Variants in PCDH15 observed in about 807,000 individuals in gnomAD.
PCDH15 encodes protocadherin-15.
Under a neutral mutation model 178.5 loss-of-function variants are expected in PCDH15, and 129 were observed. That is an observed-to-expected ratio of 0.72 (90% CI 0.63 to 0.84). The LOEUF (loss-of-function observed/expected upper bound fraction) is 0.84. Ranked by LOEUF, PCDH15 falls within the 40% of genes least tolerant of loss-of-function variation. The pLI is 0.00. For missense variants in PCDH15, 2,230 were observed against 2,099.9 expected, an observed-to-expected ratio of 1.06 and a Z score of -1.21; for synonymous variants, 800 against 732.0, an observed-to-expected ratio of 1.09 and a Z score of -1.50.
Position 55,158,888 on chromosome 10 carries a change from GA to G in PCDH15, c.-80+7687del, listed in dbSNP as rs1341077380. The stretch of plus-strand genomic sequence containing the variant: ...GAAAGGGAGAGAGGGAGGGAGAAGA[GA>G]GAGAGAGAGAAAAAACAAGAGCTCA... On this transcript the variant is annotated intron_variant, in intron 2 of 5. Coordinates refer to the PCDH15 transcript ENST00000458638. 5.3e-5 allele frequency among the ~76,000 whole-genome samples: 8 copies of G among 150,674 alleles called. No individual in the cohort carries two copies. In the Admixed American group the frequency reaches 5.3e-4, roughly 10 times the overall value.
intron 23 of PCDH15, among the ~76,000 whole-genome samples, chr10:53,945,964 T>C (rs1373857148): frequency 6.6e-6 from 1 of 150,924 alleles, no homozygotes; most frequent in African/African-American, 2.4e-5. Flanking sequence ...GCAATAATCA[T>C]GGGAGTGCAG....
chr10:54,331,678 A>T (rs959183819), intron 6 of PCDH15, among the ~76,000 whole-genome samples: 2 of 151,976 alleles, frequency 1.3e-5, no homozygotes, highest in Non-Finnish European at 2.9e-5. Context: ...CATTTTAGTG[A>T]CTCAATAATA....
At position 53,995,780 on chromosome 10, in the gene PCDH15, T is replaced by A; in HGVS notation, c.2752-15A>T. 1 of 1,610,792 alleles carries A rather than the reference T, an allele frequency of 6.2e-7. No homozygotes were observed. The highest frequency in any genetic ancestry group is 8.5e-7 in the Non-Finnish European group (1 of 1,177,310). On this transcript the variant is annotated splice_polypyrimidine_tract_variant and intron_variant, in intron 20 of 37. Transcript: ENST00000644397. ...TCATTCATATCCTGTAAAACACAAT[T>A]AGGAGTTTAGTACTTCAGTTGAAAC...
At chr10:55,159,308 C>G (rs184047058) in intron 2 of PCDH15, among the ~76,000 whole-genome samples, 1 of 147,838 alleles carries the variant, frequency 6.8e-6, no homozygotes, top group Non-Finnish European at 1.5e-5. Flanking sequence ...ATATATATAT[C>G]TCTTCAAATT....
At chr10:55,101,309 G>A (rs1842570520) in intron 2 of PCDH15, among the ~76,000 whole-genome samples, 1 of 151,882 alleles carries the variant, frequency 6.6e-6, no homozygotes, top group African/African-American at 2.4e-5. Flanking sequence ...TTGAACTCAG[G>A]AGGTGGAGTT....
chr10:54,395,429 T>TACGC (rs1951079773), intron 3 of PCDH15, among the ~76,000 whole-genome samples: 1 of 144,930 alleles, frequency 6.9e-6, no homozygotes, highest in African/African-American at 2.8e-5. Flanking sequence ...GTGCATGTAT[T>TACGC]ACACACACAC....
intron 2 of PCDH15, among the ~76,000 whole-genome samples, chr10:54,546,948 C>A (rs1173777137): frequency 1.3e-5 from 2 of 152,128 alleles, no homozygotes; most frequent in Non-Finnish European, 2.9e-5. Flanking sequence ...GGCAACTGAG[C>A]TAGAGTCTTC....
chr10:54,249,425 A>C (rs1452422843), intron 8 of PCDH15, among the ~76,000 whole-genome samples: 1 of 152,184 alleles, frequency 6.6e-6, no homozygotes, highest in Non-Finnish European at 1.5e-5. Flanking sequence ...AGCATAAAGT[A>C]TAATTTTAAA....
chr10:54,021,093 C>T (rs2092906918), intron 19 of PCDH15, among the ~76,000 whole-genome samples: 5 of 151,824 alleles, frequency 3.3e-5, no homozygotes, highest in Admixed American at 2.0e-4. Flanking sequence ...AAACAAGACA[C>T]AAATACTAAA....
intron 28 of PCDH15, among the ~76,000 whole-genome samples, chr10:53,842,867 T>TAACA (rs1326207030): frequency 1.3e-5 from 2 of 152,210 alleles, no homozygotes; most frequent in African/African-American, 4.8e-5. Context: ...TACTTTGGTC[T>TAACA]AACAATTTAT....
At chr10:54,497,344 G>C (rs1264422379) in intron 3 of PCDH15, among the ~76,000 whole-genome samples, 1 of 151,708 alleles carries the variant, frequency 6.6e-6, no homozygotes, top group East Asian at 1.9e-4. Context: ...AGCCCCCACA[G>C]CTGAGAAAGA....
chr10:54,267,871 CA>C (rs553776165), intron 8 of PCDH15, among the ~76,000 whole-genome samples: 80 of 151,956 alleles, frequency 5.3e-4, no homozygotes, highest in African/African-American at 1.9e-3. Context: ...TCTACAAATT[CA>C]ATGCAGTTCC....
chr10:54,023,339 C>A, intron 18 of PCDH15, 142 bp from the exon 19 acceptor site: 1 of 699,504 alleles, frequency 1.4e-6, no homozygotes, highest in Non-Finnish European at 2.4e-6. Context: ...AATGACAATA[C>A]AATGCAAAAT....
chr10:54,752,141 T>C (rs1425855288), intron 1 of PCDH15, among the ~76,000 whole-genome samples: 2 of 152,164 alleles, frequency 1.3e-5, no homozygotes, highest in East Asian at 3.8e-4. Flanking sequence ...CTAAACATTG[T>C]TGCAGAATTT....
At chr10:55,583,303 T>A (rs1360662062) in intron 2 of PCDH15, among the ~76,000 whole-genome samples, 2 of 152,230 alleles carry the variant, frequency 1.3e-5, no homozygotes, top group Non-Finnish European at 2.9e-5. Flanking sequence ...ATTATGCAAG[T>A]GTAAAGTGTT....
intron 10 of PCDH15, among the ~76,000 whole-genome samples, chr10:54,199,012 A>G (rs1189672041): frequency 1.3e-5 from 2 of 152,192 alleles, no homozygotes; most frequent in Non-Finnish European, 2.9e-5. Context: ...AAAAATATGT[A>G]TTATTTGCAT....
chr10:55,131,262 C>A (rs1387162036), intron 2 of PCDH15, among the ~76,000 whole-genome samples: 2 of 152,162 alleles, frequency 1.3e-5, no homozygotes, highest in Non-Finnish European at 2.9e-5. Flanking sequence ...TCCATAGTTG[C>A]AGGCATGCTG....
chr10:55,468,637 T>C (rs1236601862), intron 2 of PCDH15: 1 of 152,228 alleles, frequency 6.6e-6, no homozygotes, highest in African/African-American at 2.4e-5. Flanking sequence ...TTATTGTTAA[T>C]TGTTATCCTC....
At chr10:54,636,166 A>G (rs1411608603) in intron 2 of PCDH15, among the ~76,000 whole-genome samples, 5 of 152,024 alleles carry the variant, frequency 3.3e-5, no homozygotes, top group Non-Finnish European at 5.9e-5. Context: ...ACTTAAAGGT[A>G]AAACATTAGA....
Sources: gnomAD v4.1 joint callset for allele counts (sites outside exome capture counted in the v4.1 genomes callset) on GRCh38, gnomAD v4.1.1 for gene constraint, MANE v1.5 for transcripts, NCBI Gene and HGNC (gene_info 2026-07-23, HGNC 2026-07-21) for gene names.